ZGRF1: variants seen among roughly 807,000 people sequenced by gnomAD.
ZGRF1 encodes the protein zinc finger GRF-type containing 1, also known as 5'-3' DNA helicase ZGRF1.
ZGRF1 carries 196 observed loss-of-function variants against 203.5 expected under a neutral mutation model. The ratio of observed to expected loss-of-function variants is 0.96; its 90% CI spans 0.86 to 1.08. ZGRF1 has a LOEUF of 1.08. Ranked by LOEUF, ZGRF1 falls within the 50% of genes least tolerant of loss-of-function variation. The pLI is 0.00. For synonymous variants in ZGRF1, 809 were observed against 841.3 expected (o/e 0.96, Z 0.66); for missense variants, 2,326 against 2,416.3 (o/e 0.96, Z 0.78).
chr4:112,604,180 C>T (rs1338840111), intron 9 of ZGRF1, among the ~76,000 whole-genome samples: 4 of 151,366 alleles, frequency 2.6e-5, no homozygotes, highest in Non-Finnish European at 4.4e-5. Context: ...GCTGAGATCA[C>T]GCCACTGCAC....
chr4:112,598,412 T>G lies in ZGRF1; in HGVS notation c.2976+5112A>C, dbSNP rs1749393075. 2.0e-5 allele frequency among the ~76,000 whole-genome samples: 3 copies of G among 152,118 alleles called. No individual in the cohort carries two copies. In the South Asian group the frequency reaches 6.2e-4, roughly 32 times the overall value. On this transcript the variant is annotated intron_variant, in intron 10 of 27. Coordinates refer to ENST00000505019, the MANE Select transcript of ZGRF1 (RefSeq NM_018392.5). ...AGAAAATGTAATCATAGTATACCAA[T>G]TGGCTCAGCAGTGAAAATATTAAAA...
rs550273145 is a variant in ZGRF1 at position 112,636,890 on chromosome 4, C to A, written c.-106G>T. 1 of 152,332 alleles carries A rather than the reference C, an allele frequency of 6.6e-6. No individual in the cohort carries two copies. The highest frequency in any genetic ancestry group is 2.1e-4 in the South Asian group (1 of 4,828). 9.4% of individuals were successfully genotyped at this position (152,332 alleles called of 1,614,324 possible). ...AAAATCCACTTTCGAATTTCTCCCG[C>A]GAAACAACGTGACGTCATTAACGCG... On this transcript the variant is annotated 5_prime_UTR_variant, in exon 1 of 28. Transcript: ENST00000505019.
chr4:112,589,538 G>A lies in ZGRF1; in HGVS notation c.3127+186C>T, dbSNP rs796982126. The A allele has an allele frequency of 2.1e-5, 12 of 579,566 alleles. 1 individual carries two copies. The highest frequency in any genetic ancestry group is 1.7e-4 in the African/African-American group (9 of 53,650). The allele number at this position is 579,566 out of a possible 1,614,324, so 35.9% of individuals were successfully genotyped here. A position where few individuals can be genotyped will look rare whatever the true frequency, so the allele number is the denominator to read the frequency against. On this transcript the variant is annotated intron_variant, in intron 11 of 27. Transcript: ENST00000505019. ...ACAAGAAGGAACTAGATAGCTAGAA[G>A]GGAATATTGTACCTGGAATAGCTAT...
intron 19 of ZGRF1, 59 bp downstream of exon 19, chr4:112,560,674 G>A (rs1318914158): frequency 4.4e-6 from 6 of 1,364,872 alleles, no homozygotes; most frequent in Non-Finnish European, 6.0e-6. Context: ...GGAGCAGACT[G>A]AGTTACAAAA....
At chr4:112,633,611 GCC>G (rs1201327547) in intron 1 of ZGRF1, among the ~76,000 whole-genome samples, 1 of 152,112 alleles carries the variant, frequency 6.6e-6, no homozygotes, top group African/African-American at 2.4e-5. Context: ...CCACAAGATG[GCC>G]CCCTTGTGTT....
At chr4:112,569,839 T>TA (rs940500310) in intron 16 of ZGRF1, among the ~76,000 whole-genome samples, 19 of 151,416 alleles carry the variant, frequency 1.3e-4, no homozygotes, top group African/African-American at 4.1e-4. Context: ...GAAAGAAAGA[T>TA]AAAAAAATGA....
Position 112,579,899 on chromosome 4 carries a change from C to A in ZGRF1, c.4438+1764G>T, listed in dbSNP as rs1745905705. Reference sequence around the variant, plus strand: ...TCCCCATCAAGCTACCAATGACTTTCTTCACAGAATTGGAAAAAACTACTT... The same window carrying A: ...TCCCCATCAAGCTACCAATGACTTTATTCACAGAATTGGAAAAAACTACTT... On this transcript the variant is annotated intron_variant, in intron 16 of 27. Coordinates refer to ENST00000505019, the MANE Select transcript of ZGRF1 (RefSeq NM_018392.5). 1.6e-5 allele frequency among the ~76,000 whole-genome samples: 2 copies of A among 122,758 alleles called. 1 individual carries two copies. Among genetic ancestry groups the A allele is most frequent in the African/African-American group, 5.7e-5 (2 of 35,350 alleles). The allele number at this position is 122,758 out of a possible 152,430, so 80.5% of individuals were successfully genotyped here. A position where few individuals can be genotyped will look rare whatever the true frequency, so the allele number is the denominator to read the frequency against.
intron 3 of ZGRF1, among the ~76,000 whole-genome samples, chr4:112,624,193 T>A (rs865964844): frequency 6.6e-6 from 1 of 150,908 alleles, no homozygotes; most frequent in Middle Eastern, 3.5e-3. Context: ...ATTCAAGAAC[T>A]TAATTCCTAC....
intron 16 of ZGRF1, among the ~76,000 whole-genome samples, chr4:112,574,505 G>A (rs557733844): frequency 6.6e-6 from 1 of 152,228 alleles, no homozygotes; most frequent in East Asian, 1.9e-4. Flanking sequence ...TAATTACCTT[G>A]GGTTTGGAGA....
At chr4:112,596,924 A>G (rs1345117244) in intron 10 of ZGRF1, among the ~76,000 whole-genome samples, 1 of 152,060 alleles carries the variant, frequency 6.6e-6, no homozygotes, top group Non-Finnish European at 1.5e-5. Context: ...AGTCATTAAA[A>G]GTTTCTGTGC....
intron 19 of ZGRF1, among the ~76,000 whole-genome samples, chr4:112,560,213 C>T (rs561611343): frequency 6.6e-6 from 1 of 152,218 alleles, no homozygotes; most frequent in African/African-American, 2.4e-5. Flanking sequence ...AAGTAAATCG[C>T]CTTCACTGTG....
At chr4:112,607,960 G>A (rs1392369466) in intron 8 of ZGRF1, 1 of 151,720 alleles carries the variant, frequency 6.6e-6, no homozygotes, top group African/African-American at 2.4e-5. Context: ...AAAAAAAAGA[G>A]CCATTACAAA....
At chr4:112,545,994 A>C (rs1267006529) in intron 24 of ZGRF1, among the ~76,000 whole-genome samples, 1 of 151,972 alleles carries the variant, frequency 6.6e-6, no homozygotes, top group East Asian at 1.9e-4. Context: ...TAACAGTTCA[A>C]AATTTCTGTT....
intron 9 of ZGRF1, 102 bp downstream of exon 9, chr4:112,605,903 CCTT>C: frequency 2.7e-6 from 2 of 748,728 alleles, no homozygotes; most frequent in African/African-American, 1.8e-5. Flanking sequence ...ATGCTACTAA[CCTT>C]CTGCCTGTGA....
chr4:112,574,098 TGCTGTAAGGCA>T (rs1424743509), intron 16 of ZGRF1, among the ~76,000 whole-genome samples: 4 of 152,236 alleles, frequency 2.6e-5, no homozygotes, highest in Non-Finnish European at 5.9e-5. Context: ...TATGTTCATA[TGCTGTAAGGCA>T]GCATTTTCAT....
chr4:112,602,288 C>T lies in ZGRF1; in HGVS notation c.2976+1236G>A, dbSNP rs548458109. 1.1e-4 allele frequency among the ~76,000 whole-genome samples: 17 copies of T among 151,894 alleles called. 1 individual carries two copies. Among genetic ancestry groups the T allele is most frequent in the African/African-American group, 4.1e-4 (17 of 41,438 alleles). On this transcript the variant is annotated intron_variant, in intron 10 of 27. Transcript: ENST00000505019. ...AATAGGCATACAAAAAAGGTCCCAACCTCACTATCAGGCAGGAAAATGCAA... is the reference window on the plus strand; with the variant it reads ...AATAGGCATACAAAAAAGGTCCCAATCTCACTATCAGGCAGGAAAATGCAA...
chr4:112,617,568 G>C lies in ZGRF1; in HGVS notation c.2474C>G (p.Thr825Ser), dbSNP rs1239863544. 1 of 1,613,406 alleles carries C rather than the reference G, an allele frequency of 6.2e-7. No individual in the cohort carries two copies. Residue 825 changes from threonine to serine, a missense_variant, in exon 6 of 28, where the codon ACC becomes AGC. By Grantham distance (58) the Thr-to-Ser change is moderately conservative. Transcript: ENST00000505019. The stretch of plus-strand genomic sequence containing the variant: ...ACATAGCGACTTTAAAATAGAAATG[G>C]TATTTACTAATCCAGAAAGTTCTGA... The part of the protein sequence containing the change: ...NSSELSGLVN[T>S]ISILKSLCEH...
chr4:112,631,985 T>G lies in ZGRF1; in HGVS notation c.47A>C (p.Lys16Thr). The change falls in exon 3 of 28, where the codon AAG (lysine) becomes ACG (threonine). Residue 16 changes from lysine to threonine, a missense_variant. Coordinates refer to ENST00000505019, the MANE Select transcript of ZGRF1 (RefSeq NM_018392.5). ...TCCATCTTGCCACACTTTTGACTTCTTCATCTTTTGATGAGTATATAGAAC... is the reference window on the plus strand; with the variant it reads ...TCCATCTTGCCACACTTTTGACTTCGTCATCTTTTGATGAGTATATAGAAC... The part of the protein sequence containing the change: ...FIVLYTHQKM[K>T]KSKVWQDGIL... 1 of 1,591,698 alleles carries G rather than the reference T, an allele frequency of 6.3e-7. No homozygotes were observed. The highest frequency in any genetic ancestry group is 8.6e-7 in the Non-Finnish European group (1 of 1,168,136).
At chr4:112,600,071 C>G (rs758068434) in intron 10 of ZGRF1, among the ~76,000 whole-genome samples, 3 of 152,072 alleles carry the variant, frequency 2.0e-5, no homozygotes, top group African/African-American at 4.8e-5. Context: ...CAGGATCTCA[C>G]TCTGTCACCC....
Sources: gnomAD v4.1 joint callset for allele counts (sites outside exome capture counted in the v4.1 genomes callset) on GRCh38, gnomAD v4.1.1 for gene constraint, MANE v1.5 for transcripts, NCBI Gene and HGNC (gene_info 2026-07-23, HGNC 2026-07-21) for gene names.